Variants in NUGGC observed in about 807,000 individuals in gnomAD.
NUGGC encodes nuclear GTPase SLIP-GC.
NUGGC carries 58 observed loss-of-function variants against 92.6 expected under a neutral mutation model. The observed-to-expected ratio is 0.63, with a 90% CI of 0.51 to 0.78. The LOEUF is 0.78. NUGGC is among the 30% of genes least tolerant of loss of function. NUGGC has a pLI of 0.00. For synonymous variants in NUGGC, 376 were observed against 366.4 expected, an observed-to-expected ratio of 1.03 and a Z score of -0.30; for missense variants, 925 against 964.6, an observed-to-expected ratio of 0.96 and a Z score of 0.54.
intron 13 of NUGGC, among the ~76,000 whole-genome samples, chr8:28,036,406 T>C (rs918658913): frequency 2.0e-5 from 3 of 151,554 alleles, no homozygotes; most frequent in Non-Finnish European, 2.9e-5. Flanking sequence ...TCCTCCTCAA[T>C]CCCATTCACT....
intron 2 of NUGGC, among the ~76,000 whole-genome samples, chr8:28,073,220 T>C (rs7000334): frequency 0.18 from 26,571 of 149,156 alleles, 2,930 homozygotes; most frequent in East Asian, 0.39. Context: ...GCTGTGTTGC[T>C]TAGGCTGGTC....
chr8:28,025,860 T>A (rs1295034666), intron 18 of NUGGC, among the ~76,000 whole-genome samples: 1 of 152,154 alleles, frequency 6.6e-6, no homozygotes. Context: ...GCACAAAATA[T>A]ACAGGGTGCA....
chr8:28,040,866 T>C (rs1188939058), intron 13 of NUGGC, among the ~76,000 whole-genome samples, 185 bp downstream of exon 13: 2 of 152,156 alleles, frequency 1.3e-5, no homozygotes, highest in African/African-American at 2.4e-5. Flanking sequence ...AGGATGGTCT[T>C]GATCTCCTGA....
chr8:28,061,417 T>C (rs1810302460), intron 7 of NUGGC, among the ~76,000 whole-genome samples: 1 of 152,240 alleles, frequency 6.6e-6, no homozygotes, highest in Non-Finnish European at 1.5e-5. Flanking sequence ...TCCACATAAA[T>C]GAAAATCTGG....
At chr8:28,064,488 G>A (rs779440770) in intron 7 of NUGGC, 34 bp downstream of exon 7, 1 of 1,566,924 alleles carries the variant, frequency 6.4e-7, no homozygotes, top group Non-Finnish European at 8.8e-7. Context: ...AGGAGTTTAG[G>A]GAAGAGAGAA....
intron 2 of NUGGC, among the ~76,000 whole-genome samples, chr8:28,072,435 T>C (rs1810613545): frequency 1.3e-5 from 2 of 152,210 alleles, no homozygotes; most frequent in African/African-American, 2.4e-5. Context: ...GTCCACAACC[T>C]GTCTGTGGAA....
intron 13 of NUGGC, among the ~76,000 whole-genome samples, chr8:28,040,096 T>G (rs1246308160): frequency 6.6e-6 from 1 of 152,188 alleles, no homozygotes; most frequent in Non-Finnish European, 1.5e-5. Flanking sequence ...CACCTTGATC[T>G]TGGACTTTCA....
rs746696076 is a variant in NUGGC at position 28,074,104 on chromosome 8, C to CT, written c.43+263dup. Among the ~76,000 whole-genome samples the CT allele has an allele frequency of 6.6e-3, 926 of 140,024 alleles. 6 individuals are homozygous for CT. The highest frequency in any genetic ancestry group is 0.011 in the African/African-American group (422 of 38,308). 91.9% of individuals were successfully genotyped at this position (140,024 alleles called of 152,430 possible). Reference sequence around the variant, plus strand: ...GTGAGCCACCATGCCCAGCCTGGAACTTTTTTTTTTTTTTTTAAGGAAAAA... The same window carrying CT: ...GTGAGCCACCATGCCCAGCCTGGAACTTTTTTTTTTTTTTTTTAAGGAAAAA... On this transcript the variant is annotated intron_variant, in intron 2 of 18. Coordinates refer to ENST00000413272, the MANE Select transcript of NUGGC (RefSeq NM_001010906.2).
intron 8 of NUGGC, chr8:28,060,148 C>A: frequency 1.8e-6 from 1 of 561,752 alleles, no homozygotes; most frequent in Non-Finnish European, 3.3e-6. Context: ...GGAGGTACAC[C>A]ATCTGCATCT....
At chr8:28,077,842 G>A (rs373195924) in intron 1 of NUGGC, among the ~76,000 whole-genome samples, 20 of 152,268 alleles carry the variant, frequency 1.3e-4, no homozygotes, top group South Asian at 2.1e-4. Context: ...GATAAGAGTC[G>A]TGGTCATACA....
intron 2 of NUGGC, among the ~76,000 whole-genome samples, chr8:28,074,034 T>C (rs1421606532): frequency 6.6e-6 from 1 of 151,594 alleles, no homozygotes; most frequent in Non-Finnish European, 1.5e-5. Flanking sequence ...CCTGACGTCA[T>C]GTGATCCACC....
chr8:28,046,678 CA>C (rs1325235549), intron 11 of NUGGC, among the ~76,000 whole-genome samples: 1 of 117,718 alleles, frequency 8.5e-6, no homozygotes, highest in Non-Finnish European at 1.8e-5. Flanking sequence ...AATGATAACC[CA>C]ATTTTTTTTT....
Position 28,070,595 on chromosome 8 carries a change from T to A in NUGGC, c.44-239A>T, listed in dbSNP as rs540761226. On this transcript the variant is annotated intron_variant, in intron 2 of 18. Coordinates refer to ENST00000413272, the MANE Select transcript of NUGGC (RefSeq NM_001010906.2). Reference sequence around the variant, plus strand: ...GCAAGACCCTTGTCTCAAAAAAAAATTTTTTTTTTTGGTAGAGACAGGGGT... The same window carrying A: ...GCAAGACCCTTGTCTCAAAAAAAAAATTTTTTTTTTGGTAGAGACAGGGGT... Among the ~76,000 whole-genome samples the A allele has an allele frequency of 3.8e-3, 549 of 145,678 alleles. 8 individuals carry two copies. The highest frequency in any genetic ancestry group is 0.013 in the African/African-American group (509 of 39,886).
chr8:28,053,581 C>T (rs1311554249), intron 10 of NUGGC, among the ~76,000 whole-genome samples: 1 of 152,140 alleles, frequency 6.6e-6, no homozygotes, highest in African/African-American at 2.4e-5. Context: ...GAAGGCATCA[C>T]CTTGCCATCA....
At chr8:28,043,212 A>C (rs1455105312) in intron 12 of NUGGC, among the ~76,000 whole-genome samples, 1 of 152,268 alleles carries the variant, frequency 6.6e-6, no homozygotes, top group African/African-American at 2.4e-5. Context: ...AAGAATGATA[A>C]GAAAGGGAAG....
At position 28,027,028 on chromosome 8, in the gene NUGGC, C is replaced by T. The variant is rs751520181; in HGVS notation, c.2179G>A (p.Gly727Ser). 8 of 1,613,364 alleles carry T rather than the reference C, an allele frequency of 5.0e-6. No individual in the cohort carries two copies. The highest frequency in any genetic ancestry group is 6.8e-6 in the Non-Finnish European group (8 of 1,179,392). The change falls in exon 18 of 19, where the codon GGC (glycine) becomes AGC (serine). Residue 727 changes from glycine to serine, a missense_variant. Coordinates refer to ENST00000413272, the MANE Select transcript of NUGGC (RefSeq NM_001010906.2). ...AGGGCCAGCATAGTGGTGATGCTGC[C>T]CTTCACCTTCTCCACGATTCCAGTC... ...LKTGIVEKVK[G>S]SITTMLALAS...
rs56314449 is a variant in NUGGC, at chr8:28,063,919, C to T, written c.921+603G>A. Among the ~76,000 whole-genome samples the T allele has an allele frequency of 5.3e-3, 809 of 152,266 alleles. 3 individuals are homozygous for T. The highest frequency in any genetic ancestry group is 6.8e-3 in the Middle Eastern group (2 of 292). On this transcript the variant is annotated intron_variant, in intron 7 of 18. Coordinates refer to ENST00000413272, the MANE Select transcript of NUGGC (RefSeq NM_001010906.2). The stretch of plus-strand genomic sequence containing the variant: ...CTCCAGAGCGCCTCTGTTTACCGCG[C>T]CCTTTCTCAATCACATGCCCCAGTC...
chr8:28,076,228 A>C (rs1377891842), intron 1 of NUGGC, among the ~76,000 whole-genome samples: 1 of 152,244 alleles, frequency 6.6e-6, no homozygotes, highest in Non-Finnish European at 1.5e-5. Flanking sequence ...AATGGATAAC[A>C]TAATGGATGG....
Position 28,064,623 on chromosome 8 carries a change from C to T in NUGGC, c.820G>A (p.Val274Met). The T allele has an allele frequency of 1.2e-6, 2 of 1,614,058 alleles. No individual in the cohort carries two copies. The highest frequency in any genetic ancestry group is 1.7e-6 in the Non-Finnish European group (2 of 1,179,912). The change falls in exon 7 of 19, where the codon GTG becomes ATG. Residue 274 changes from valine (V) to methionine (M), a missense_variant. Transcript: ENST00000413272. ...ATCAGGTCGGATTTGGGAAGTGTCA[C>T]TTCCACATGTTTGATCAAGGGCCAG... ...RIWPLIKHVE[V>M]TLPKSDLIPE... is the part of the protein sequence containing the mutation.
Sources: allele counts gnomAD v4.1 joint callset (sites outside exome capture counted in the v4.1 genomes callset), GRCh38; gene constraint gnomAD v4.1.1; transcripts MANE v1.5; gene names NCBI Gene and HGNC (gene_info 2026-07-23, HGNC 2026-07-21).